CADM2: variants seen among roughly 807,000 people sequenced by gnomAD.
The protein encoded by CADM2 is immunoglobulin superfamily member 4D.
A neutral mutation model predicts 49.8 loss-of-function variants in CADM2; 12 were observed. That is an observed-to-expected ratio of 0.24 (90% CI 0.15 to 0.39). The LOEUF is 0.39. Ranked by LOEUF, CADM2 falls within the 10% of genes least tolerant of loss-of-function variation. CADM2 has a pLI of 1.00. For synonymous variants in CADM2, 214 were observed against 175.4 expected, an observed-to-expected ratio of 1.22 and a Z score of -1.74; for missense variants, 378 against 492.3, an observed-to-expected ratio of 0.77 and a Z score of 2.20.
At chr3:85,781,006 G>A (rs888162272) in intron 2 of CADM2, among the ~76,000 whole-genome samples, 2 of 152,090 alleles carry the variant, frequency 1.3e-5, no homozygotes, top group Non-Finnish European at 2.9e-5. Context: ...CCCAGCTGAC[G>A]GCCAGCCTAT....
At chr3:85,911,395 C>G (rs551661254) in intron 5 of CADM2, among the ~76,000 whole-genome samples, 1 of 152,270 alleles carries the variant, frequency 6.6e-6, no homozygotes, top group African/African-American at 2.4e-5. Flanking sequence ...TCATGCACAG[C>G]AAGTTTAAAT....
chr3:85,454,717 A>C (rs1230846151), intron 1 of CADM2, among the ~76,000 whole-genome samples: 1 of 152,192 alleles, frequency 6.6e-6, no homozygotes, highest in Non-Finnish European at 1.5e-5. Context: ...TTAACTCAAC[A>C]AATATTTGTC....
rs1203594378 is a variant in CADM2 at position 85,743,747 on chromosome 3, A to G, written c.88+17199A>G. Reference sequence around the variant, plus strand: ...AAGAGGCAGCTTTCAAGTGAAAACAATTTAAACTCAAAGGTTAAAATCACC... The same window carrying G: ...AAGAGGCAGCTTTCAAGTGAAAACAGTTTAAACTCAAAGGTTAAAATCACC... On this transcript the variant is annotated intron_variant, in intron 2 of 9. Coordinates refer to ENST00000383699, the MANE Select transcript of CADM2 (RefSeq NM_001167675.2). 2.0e-5 allele frequency among the ~76,000 whole-genome samples: 3 copies of G among 152,336 alleles called. No homozygotes were observed. In the South Asian group the frequency reaches 6.2e-4, roughly 32 times the overall value.
chr3:85,059,044 C>G, intron 1 of CADM2, among the ~76,000 whole-genome samples: 1 of 151,782 alleles, frequency 6.6e-6, no homozygotes, highest in Non-Finnish European at 1.5e-5. Context: ...TTGACACCAT[C>G]CTGCCTAACC....
At chr3:85,332,842 TTTTTTATTCCC>T (rs1424694636) in intron 1 of CADM2, among the ~76,000 whole-genome samples, 3 of 151,928 alleles carry the variant, frequency 2.0e-5, no homozygotes, top group African/African-American at 7.2e-5. Context: ...AACAAGGCTT[TTTTTTATTCCC>T]ATTGCTTAAG....
At chr3:85,590,480 T>C (rs1341826246) in intron 1 of CADM2, among the ~76,000 whole-genome samples, 1 of 151,988 alleles carries the variant, frequency 6.6e-6, no homozygotes, top group Non-Finnish European at 1.5e-5. Flanking sequence ...TGTGGCATGT[T>C]AGAGTGTTTT....
chr3:85,609,708 C>T (rs2063627432), intron 1 of CADM2, among the ~76,000 whole-genome samples: 1 of 152,074 alleles, frequency 6.6e-6, no homozygotes. Flanking sequence ...ATCAGGTATA[C>T]TTGAAGATTA....
At chr3:85,726,949 T>C (rs987549808) in intron 2 of CADM2, among the ~76,000 whole-genome samples, 4 of 152,116 alleles carry the variant, frequency 2.6e-5, no homozygotes, top group Admixed American at 1.3e-4. Flanking sequence ...GAAAATAAAA[T>C]TTAATCTTCT....
intron 1 of CADM2, among the ~76,000 whole-genome samples, chr3:84,977,645 C>T (rs774051494): frequency 2.0e-5 from 3 of 151,994 alleles, no homozygotes; most frequent in Non-Finnish European, 4.4e-5. Context: ...CTTATTATAG[C>T]TTTGCAGTTT....
intron 1 of CADM2, among the ~76,000 whole-genome samples, chr3:85,567,331 G>A (rs770317031): frequency 4.3e-4 from 66 of 151,886 alleles, no homozygotes; most frequent in Admixed American, 7.9e-4. Flanking sequence ...TTTTCCATGA[G>A]TATTTTCTTT....
Position 85,855,209 on chromosome 3 carries a change from A to G in CADM2, c.239-28082A>G, listed in dbSNP as rs117983864. ...CAAACAAAGTGGCCGGCAATGAGCA[A>G]GAAACACCCTCACTAGAACACAGTA... On this transcript the variant is annotated intron_variant, in intron 3 of 9. Coordinates refer to ENST00000383699, the MANE Select transcript of CADM2 (RefSeq NM_001167675.2). 1.5e-3 allele frequency among the ~76,000 whole-genome samples: 229 copies of G among 152,222 alleles called. 5 individuals carry two copies. In the East Asian group the frequency reaches 0.041, roughly 27 times the overall value.
At chr3:85,981,001 A>G (rs1727410929) in intron 8 of CADM2, among the ~76,000 whole-genome samples, 1 of 151,538 alleles carries the variant, frequency 6.6e-6, no homozygotes, top group Non-Finnish European at 1.5e-5. Flanking sequence ...AATCACTAGC[A>G]ATCAAATGTA....
chr3:85,053,907 A>C (rs1227694913), intron 1 of CADM2, among the ~76,000 whole-genome samples: 1 of 151,972 alleles, frequency 6.6e-6, no homozygotes, highest in Non-Finnish European at 1.5e-5. Context: ...TAGTTAATTG[A>C]ATTTCTTATT....
intron 8 of CADM2, among the ~76,000 whole-genome samples, chr3:85,962,442 T>G (rs1175328887): frequency 6.6e-6 from 1 of 151,960 alleles, no homozygotes; most frequent in African/African-American, 2.4e-5. Flanking sequence ...TAATTTAAAG[T>G]TCCTACAGAC....
intron 7 of CADM2, among the ~76,000 whole-genome samples, chr3:85,941,166 A>G (rs189705379): frequency 2.0e-3 from 312 of 152,240 alleles, no homozygotes; most frequent in Non-Finnish European, 2.9e-3. Context: ...GTAATTGTAT[A>G]ATACATCATA....
intron 3 of CADM2, among the ~76,000 whole-genome samples, chr3:85,834,986 G>A (rs1577433930): frequency 6.6e-6 from 1 of 151,588 alleles, no homozygotes; most frequent in East Asian, 1.9e-4. Flanking sequence ...GGCTATATGT[G>A]AGTGTGCTTG....
At chr3:85,639,289 A>G (rs2064628865) in intron 1 of CADM2, among the ~76,000 whole-genome samples, 5 of 152,230 alleles carry the variant, frequency 3.3e-5, no homozygotes, top group Admixed American at 3.3e-4. Context: ...AAGTAGATGT[A>G]TGTGAAAATA....
At chr3:85,970,521 T>C (rs1217529955) in intron 8 of CADM2, among the ~76,000 whole-genome samples, 1 of 151,614 alleles carries the variant, frequency 6.6e-6, no homozygotes, top group African/African-American at 2.4e-5. Context: ...ACATTCATAG[T>C]TTTCTTAAAT....
At chr3:85,932,423 C>T (rs1720717077) in intron 6 of CADM2, among the ~76,000 whole-genome samples, 1 of 152,116 alleles carries the variant, frequency 6.6e-6, no homozygotes. Context: ...GATATAAATC[C>T]ATGAGTGATT....
Sources: gnomAD v4.1 joint callset for allele counts (sites outside exome capture counted in the v4.1 genomes callset) on GRCh38, gnomAD v4.1.1 for gene constraint, MANE v1.5 for transcripts, NCBI Gene and HGNC (gene_info 2026-07-23, HGNC 2026-07-21) for gene names.